The following ATG7 variants were observed in gnomAD, a reference collection of about 807,000 sequenced individuals.
ATG7 encodes the protein ubiquitin-like modifier-activating enzyme ATG7.
Under a neutral mutation model 82.4 loss-of-function variants are expected in ATG7, and 70 were observed. The ratio of observed to expected loss-of-function variants is 0.85; its 90% confidence interval spans 0.70 to 1.04. The LOEUF is 1.04. Ranked by LOEUF, ATG7 falls within the 50% of genes least tolerant of loss-of-function variation. The probability of loss-of-function intolerance (pLI) is 0.00; values close to 1 mark genes in which losing one functional copy is unlikely to be tolerated. For synonymous variants in ATG7, 287 were observed against 313.0 expected (o/e 0.92, Z 0.88); for missense variants, 792 against 864.3 (o/e 0.92, Z 1.05).
intron 19 of ATG7, among the ~76,000 whole-genome samples, chr3:11,410,455 TG>T (rs1471358701): frequency 2.0e-5 from 3 of 152,204 alleles, no homozygotes; most frequent in Non-Finnish European, 4.4e-5. Flanking sequence ...ATATAAAATT[TG>T]CCATTCTGTT....
chr3:11,418,474 G>A (rs562205872), intron 19 of ATG7, among the ~76,000 whole-genome samples: 2 of 152,046 alleles, frequency 1.3e-5, no homozygotes, highest in Non-Finnish European at 2.9e-5. Flanking sequence ...GATTTTTCTC[G>A]AGTATTTACT....
intron 11 of ATG7, 114 bp downstream of exon 11, chr3:11,333,207 C>T: frequency 7.5e-7 from 1 of 1,335,988 alleles, no homozygotes; most frequent in Non-Finnish European, 9.8e-7. Flanking sequence ...AAAAGTACAA[C>T]TTGTACCTCT....
At chr3:11,497,858 C>T (rs2090977892) in intron 20 of ATG7, among the ~76,000 whole-genome samples, 1 of 152,036 alleles carries the variant, frequency 6.6e-6, no homozygotes, top group Non-Finnish European at 1.5e-5. Flanking sequence ...TAATATAGAG[C>T]CCTTTGTTGA....
intron 20 of ATG7, among the ~76,000 whole-genome samples, chr3:11,448,550 A>C (rs527716866): frequency 1.2e-4 from 19 of 152,226 alleles, no homozygotes; most frequent in Non-Finnish European, 2.5e-4. Flanking sequence ...CCAAATCTGT[A>C]ATCAGGAACA....
At chr3:11,303,318 C>T (rs1156569415) in intron 5 of ATG7, among the ~76,000 whole-genome samples, 1 of 152,118 alleles carries the variant, frequency 6.6e-6, no homozygotes, top group Non-Finnish European at 1.5e-5. Context: ...TTTCTGTTGA[C>T]AAGGAGGAAA....
intron 20 of ATG7, among the ~76,000 whole-genome samples, chr3:11,519,549 T>G (rs1295391446): frequency 2.3e-4 from 17 of 75,448 alleles, no homozygotes; most frequent in African/African-American, 9.4e-4. Flanking sequence ...GTTTTTTTTT[T>G]TTTTTTTTTT....
chr3:11,411,465 A>G (rs1363809891), intron 19 of ATG7, among the ~76,000 whole-genome samples: 4 of 151,944 alleles, frequency 2.6e-5, no homozygotes, highest in Admixed American at 6.6e-5. Context: ...CTCTAAAAAT[A>G]CAAAAATTAG....
At chr3:11,452,184 A>G (rs2085253264) in intron 20 of ATG7, among the ~76,000 whole-genome samples, 1 of 152,002 alleles carries the variant, frequency 6.6e-6, no homozygotes, top group South Asian at 2.1e-4. Flanking sequence ...CAGGCATTCA[A>G]GACCAGCCTG....
chr3:11,546,440 G>A lies in ATG7; in HGVS notation c.2080-8371G>A, dbSNP rs2071299046. The stretch of plus-strand genomic sequence containing the variant: ...GCCTGACTTGGCTTCCCAAAATGTT[G>A]GGATTACAGGCGTGAGCCACTGCGC... On this transcript the variant is annotated intron_variant, in intron 20 of 20. Transcript: ENST00000693202. Among the ~76,000 whole-genome samples the A allele has an allele frequency of 2.0e-5, 3 of 152,138 alleles. No individual in the cohort carries two copies. In the South Asian group the frequency reaches 6.2e-4, roughly 32 times the overall value.
At chr3:11,472,016 C>T (rs1214907525) in intron 20 of ATG7, among the ~76,000 whole-genome samples, 5 of 152,010 alleles carry the variant, frequency 3.3e-5, no homozygotes, top group Admixed American at 3.3e-4. Context: ...GGATTACAGG[C>T]GTGAGCCACC....
At chr3:11,540,877 T>C (rs1427691025) in intron 20 of ATG7, among the ~76,000 whole-genome samples, 5 of 140,456 alleles carry the variant, frequency 3.6e-5, no homozygotes, top group African/African-American at 1.3e-4. Flanking sequence ...TCTTTTTTTT[T>C]CCTAAAAAAT....
At chr3:11,459,161 G>A (rs2086056627) in intron 20 of ATG7, among the ~76,000 whole-genome samples, 1 of 126,788 alleles carries the variant, frequency 7.9e-6, no homozygotes, top group Non-Finnish European at 1.6e-5. Flanking sequence ...AAGTGAGGAG[G>A]GGGAGTCACT....
intron 9 of ATG7, among the ~76,000 whole-genome samples, chr3:11,317,595 T>C (rs912807749): frequency 6.7e-6 from 1 of 148,950 alleles, no homozygotes; most frequent in Non-Finnish European, 1.5e-5. Context: ...TTTTTTTTTT[T>C]TTTTTTTTTG....
At chr3:11,552,849 G>C (rs1350126651) in intron 20 of ATG7, among the ~76,000 whole-genome samples, 2 of 152,158 alleles carry the variant, frequency 1.3e-5, no homozygotes, top group African/African-American at 4.8e-5. Flanking sequence ...CAGTGTGGCT[G>C]AGCACCTATG....
intron 11 of ATG7, among the ~76,000 whole-genome samples, chr3:11,335,094 A>C (rs1952230155): frequency 2.0e-5 from 3 of 152,066 alleles, no homozygotes; most frequent in Non-Finnish European, 2.9e-5. Context: ...AATTCGCTGA[A>C]AGATTGACAG....
the ATG7 span, among the ~76,000 whole-genome samples, chr3:11,567,547 TA>T: frequency 6.6e-6 from 1 of 152,180 alleles, no homozygotes; most frequent in African/African-American, 2.4e-5. Context: ...TTCAAAACGT[TA>T]AAATACTAAA....
At chr3:11,291,395 G>C (rs1052366333) in intron 3 of ATG7, among the ~76,000 whole-genome samples, 3 of 152,192 alleles carry the variant, frequency 2.0e-5, no homozygotes, top group Non-Finnish European at 4.4e-5. Flanking sequence ...CTGAAAAGAA[G>C]TTTCTTCCTT....
At chr3:11,567,695 C>T in the ATG7 span, among the ~76,000 whole-genome samples, 2 of 152,348 alleles carry the variant, frequency 1.3e-5, no homozygotes, top group Non-Finnish European at 2.9e-5. Context: ...TTCCGCGGAA[C>T]GGACGTCAGG....
intron 9 of ATG7, among the ~76,000 whole-genome samples, chr3:11,318,844 T>G (rs1409847812): frequency 2.6e-5 from 4 of 152,226 alleles, no homozygotes; most frequent in African/African-American, 4.8e-5. Flanking sequence ...GGCTGCTGCC[T>G]CACCTACCTT....
Sources: gnomAD v4.1 joint callset for allele counts (sites outside exome capture counted in the v4.1 genomes callset) on GRCh38, gnomAD v4.1.1 for gene constraint, MANE v1.5 for transcripts, NCBI Gene and HGNC (gene_info 2026-07-23, HGNC 2026-07-21) for gene names.